GABRA4: variants seen among roughly 807,000 people sequenced by gnomAD.
GABRA4 encodes gamma-aminobutyric acid type A receptor subunit alpha4.
Under a neutral mutation model 49.7 loss-of-function variants are expected in GABRA4, and 12 were observed. That is an observed-to-expected ratio of 0.24 (90% CI 0.15 to 0.39). GABRA4 has a LOEUF of 0.39. GABRA4 is among the 10% of genes least tolerant of loss of function. GABRA4 has a pLI of 1.00. For synonymous variants in GABRA4, 288 were observed against 240.2 expected (o/e 1.20, Z -1.84); for missense variants, 506 against 686.0 (o/e 0.74, Z 2.93).
chr4:46,975,079 G>T (rs1040383302), intron 5 of GABRA4, among the ~76,000 whole-genome samples: 2 of 151,748 alleles, frequency 1.3e-5, no homozygotes, highest in African/African-American at 2.4e-5. Context: ...CTATTATTTG[G>T]CACTCTGTGC....
intron 8 of GABRA4, 82 bp downstream of exon 8, chr4:46,964,888 A>T: frequency 7.1e-7 from 1 of 1,403,814 alleles, no homozygotes; most frequent in Non-Finnish European, 9.6e-7. Flanking sequence ...CAGGATTTTT[A>T]AGTTCTCAGT....
rs142462912 is a variant in GABRA4 at position 46,959,337 on chromosome 4, T to G, written c.1134+5633A>C. Among the ~76,000 whole-genome samples the G allele has an allele frequency of 7.5e-3, 1,143 of 152,048 alleles. 11 individuals are homozygous for G. Among genetic ancestry groups the G allele is most frequent in the African/African-American group, 0.026 (1,082 of 41,528 alleles). ...GTCTTCAAGTAAGCCACTGTGGAGA[T>G]CTAAGTCATTACACATACATAGTCA... On this transcript the variant is annotated intron_variant, in intron 8 of 8. Transcript: ENST00000264318.
rs186776418 is a variant in GABRA4, at chr4:46,922,550, G to A, written c.*5675C>T. ...AATAGAGGAAGAGTTTATATAAATA[G>A]GTCTCTGTAGTCTCAAAAAATATTA... On this transcript the variant is annotated 3_prime_UTR_variant, in exon 9 of 9. Transcript: ENST00000264318. 7 of 152,136 alleles carry A rather than the reference G, an allele frequency of 4.6e-5. No individual in the cohort carries two copies. Among genetic ancestry groups the A allele is most frequent in the Non-Finnish European group, 7.4e-5 (5 of 68,004 alleles). 9.4% of individuals were successfully genotyped at this position (152,136 alleles called of 1,614,324 possible).
rs565310757 is a variant in GABRA4, at chr4:46,975,038, A to C, written c.578-663T>G. ...ACATTTCCCCTTACATCTTCAACAA[A>C]TCTCTCCCGGTGGCAATTTAAGCCC... On this transcript the variant is annotated intron_variant, in intron 5 of 8. Transcript: ENST00000264318. Among the ~76,000 whole-genome samples, 266 of 151,838 alleles carry C rather than the reference A, an allele frequency of 1.8e-3. 2 individuals are homozygous for C. The highest frequency in any genetic ancestry group is 6.3e-3 in the African/African-American group (261 of 41,468).
intron 7 of GABRA4, among the ~76,000 whole-genome samples, chr4:46,968,408 A>T (rs1425750516): frequency 6.6e-6 from 1 of 151,410 alleles, no homozygotes; most frequent in African/African-American, 2.4e-5. Flanking sequence ...TCTTTAGCAC[A>T]TATCCATGTA....
chr4:46,964,972 G>T lies in GABRA4; in HGVS notation c.1132C>A (p.Gln378Lys), dbSNP rs1237493402. 7 of 1,595,902 alleles carry T rather than the reference G, an allele frequency of 4.4e-6. No homozygotes were observed. The highest frequency in any genetic ancestry group is 5.1e-6 in the Non-Finnish European group (6 of 1,170,086). ...QREKHPEAPL[Q>K]NTNANLNMRK... The stretch of plus-strand genomic sequence containing the variant: ...TGAAGGTGGATTAAGTCAAATACCT[G>T]CAGAGGGGCTTCAGGATGCTTCTCT... Residue 378 changes from glutamine (Q) to lysine (K), a missense_variant and splice_region_variant, in exon 8 of 9, where the codon CAG becomes AAG. Coordinates refer to ENST00000264318, the MANE Select transcript of GABRA4 (RefSeq NM_000809.4).
intron 8 of GABRA4, among the ~76,000 whole-genome samples, chr4:46,956,583 T>G (rs1722371579): frequency 6.6e-6 from 1 of 151,964 alleles, no homozygotes; most frequent in African/African-American, 2.4e-5. Flanking sequence ...TGTCCTCAGT[T>G]CTCTATTTCT....
intron 8 of GABRA4, among the ~76,000 whole-genome samples, chr4:46,959,773 A>G (rs1342124250): frequency 1.4e-5 from 2 of 147,818 alleles, no homozygotes; most frequent in African/African-American, 2.5e-5. Flanking sequence ...AAAAAAAAAA[A>G]AAAGAAAAGA....
chr4:46,939,233 C>A (rs1274315679), intron 8 of GABRA4, among the ~76,000 whole-genome samples: 1 of 152,018 alleles, frequency 6.6e-6, no homozygotes, highest in Admixed American at 6.6e-5. Flanking sequence ...AATTTCCCTT[C>A]TCTTCTTACT....
Position 46,922,802 on chromosome 4 carries a change from A to T in GABRA4, c.*5423T>A, listed in dbSNP as rs771396913. ...TTATGGTTGACAAAAGTTAAAGAAAATTTTAAAGATACCAAAGTAGTTACA... is the reference window on the plus strand; with the variant it reads ...TTATGGTTGACAAAAGTTAAAGAAATTTTTAAAGATACCAAAGTAGTTACA... On this transcript the variant is annotated 3_prime_UTR_variant, in exon 9 of 9. Transcript: ENST00000264318. The T allele has an allele frequency of 1.3e-5, 2 of 152,102 alleles. No individual in the cohort carries two copies. The highest frequency in any genetic ancestry group is 2.4e-5 in the African/African-American group (1 of 41,426). 9.4% of individuals were successfully genotyped at this position (152,102 alleles called of 1,614,324 possible). A position where few individuals can be genotyped will look rare whatever the true frequency, so the allele number is the denominator to read the frequency against.
chr4:46,985,955 A>C (rs1454148386), intron 2 of GABRA4, among the ~76,000 whole-genome samples: 1 of 152,008 alleles, frequency 6.6e-6, no homozygotes, highest in Non-Finnish European at 1.5e-5. Context: ...AAAGAAAAAC[A>C]TGTTATGGTC....
chr4:46,990,173 TG>T (rs1283101364), intron 2 of GABRA4, among the ~76,000 whole-genome samples: 39 of 152,352 alleles, frequency 2.6e-4, no homozygotes, highest in African/African-American at 8.4e-4. Flanking sequence ...AATGTTTAAA[TG>T]GTTAATCAAT....
intron 8 of GABRA4, among the ~76,000 whole-genome samples, chr4:46,932,699 G>A (rs534288808): frequency 5.9e-5 from 9 of 152,180 alleles, no homozygotes; most frequent in African/African-American, 2.2e-4. Context: ...GATCATGAAA[G>A]GTTATGGTTT....
At chr4:46,973,139 T>C (rs1017926134) in intron 6 of GABRA4, among the ~76,000 whole-genome samples, 1 of 151,730 alleles carries the variant, frequency 6.6e-6, no homozygotes, top group Non-Finnish European at 1.5e-5. Flanking sequence ...AAAAAATACA[T>C]GGAAATAATT....
chr4:46,934,979 T>A (rs1721559662), intron 8 of GABRA4, among the ~76,000 whole-genome samples: 1 of 152,150 alleles, frequency 6.6e-6, no homozygotes, highest in South Asian at 2.1e-4. Context: ...GACACTCCAC[T>A]CACTTCCTCT....
At chr4:46,932,775 T>TA (rs1314385272) in intron 8 of GABRA4, among the ~76,000 whole-genome samples, 2 of 152,114 alleles carry the variant, frequency 1.3e-5, no homozygotes, top group Non-Finnish European at 2.9e-5. Context: ...CTTTTCCTTT[T>TA]AAAAAATTGC....
chr4:46,933,748 T>TG (rs2109339945), intron 8 of GABRA4, among the ~76,000 whole-genome samples: 1 of 152,268 alleles, frequency 6.6e-6, no homozygotes, highest in Non-Finnish European at 1.5e-5. Context: ...GAGACTTCAG[T>TG]GGTTCTATCA....
intron 2 of GABRA4, among the ~76,000 whole-genome samples, chr4:46,987,029 G>T (rs768471849): frequency 2.0e-5 from 3 of 152,108 alleles, no homozygotes; most frequent in Non-Finnish European, 4.4e-5. Flanking sequence ...CTGACTGCCT[G>T]TTCTGAACAC....
At chr4:46,945,891 C>T (rs911199039) in intron 8 of GABRA4, among the ~76,000 whole-genome samples, 2 of 152,006 alleles carry the variant, frequency 1.3e-5, no homozygotes, top group Admixed American at 6.6e-5. Flanking sequence ...TAAATAAATG[C>T]CTCACCTTTT....
Sources: gnomAD v4.1 joint callset for allele counts (sites outside exome capture counted in the v4.1 genomes callset) on GRCh38, gnomAD v4.1.1 for gene constraint, MANE v1.5 for transcripts, NCBI Gene and HGNC (gene_info 2026-07-23, HGNC 2026-07-21) for gene names.